WDR7: variants seen among roughly 807,000 people sequenced by gnomAD.
WDR7 encodes WD repeat-containing protein 7.
A neutral mutation model predicts 169.4 loss-of-function variants in WDR7; 46 were observed. The ratio of observed to expected loss-of-function variants is 0.27; its 90% CI spans 0.21 to 0.35. WDR7 has a LOEUF of 0.35. Among genes scored for constraint, WDR7 ranks in the 10% least tolerant of loss-of-function variants. WDR7 has a pLI of 1.00. For synonymous variants in WDR7, 612 were observed against 666.8 expected, an observed-to-expected ratio of 0.92 and a Z score of 1.27; for missense variants, 1,534 against 1,859.3, an observed-to-expected ratio of 0.83 and a Z score of 3.22.
At chr18:56,780,507 A>G (rs1032160880) in intron 18 of WDR7, among the ~76,000 whole-genome samples, 10 of 152,320 alleles carry the variant, frequency 6.6e-5, no homozygotes, top group African/African-American at 2.4e-4. Context: ...GATGCTGCTA[A>G]GTTATCTTTT....
intron 16 of WDR7, among the ~76,000 whole-genome samples, chr18:56,761,653 TTATC>T (rs529439478): frequency 1.6e-4 from 24 of 152,132 alleles, no homozygotes; most frequent in African/African-American, 3.9e-4. Context: ...TAGGTGTTCT[TTATC>T]TATCATAACT....
intron 25 of WDR7, among the ~76,000 whole-genome samples, chr18:56,951,779 A>G (rs1340636628): frequency 6.6e-6 from 1 of 152,004 alleles, no homozygotes; most frequent in Non-Finnish European, 1.5e-5. Context: ...TTTTTCAAAG[A>G]TTTAAGACTC....
At chr18:56,652,835 A>G (rs1038421607) in intron 1 of WDR7, among the ~76,000 whole-genome samples, 1 of 152,000 alleles carries the variant, frequency 6.6e-6, no homozygotes, top group Non-Finnish European at 1.5e-5. Flanking sequence ...GATCTCGGTG[A>G]CTGGGTGAAT....
At chr18:56,803,348 A>G (rs933062896) in intron 19 of WDR7, among the ~76,000 whole-genome samples, 1 of 152,192 alleles carries the variant, frequency 6.6e-6, no homozygotes, top group Non-Finnish European at 1.5e-5. Flanking sequence ...TTTATTCACT[A>G]TGTGTAAAGA....
intron 26 of WDR7, among the ~76,000 whole-genome samples, chr18:56,971,633 G>C (rs1053506185): frequency 3.3e-5 from 5 of 152,136 alleles, no homozygotes; most frequent in Admixed American, 2.0e-4. Flanking sequence ...GGGAGGATTG[G>C]TTAGGAAGGG....
In WDR7 at chr18:56,939,381, C is replaced by T. The variant is rs2047003879; in HGVS notation, c.4052C>T (p.Pro1351Leu). 1.3e-6 allele frequency: 2 copies of T among 1,572,082 alleles called. No homozygotes were observed. The highest frequency in any genetic ancestry group is 1.4e-5 in the African/African-American group (1 of 73,608). ...AAGAAAGGTCTTCAAGAATGTTTCC[C>T]AGCCATCTGCAGGTAAAGAAGCCTT... is the stretch of plus-strand genomic sequence containing the variant. Reference protein sequence around the residue: ...VKKKGLQECFPAICRFYMVSY... With the variant: ...VKKKGLQECFLAICRFYMVSY... Residue 1351 changes from proline to leucine, a missense_variant, in exon 25 of 28, where the codon CCA becomes CTA. Transcript: ENST00000254442.
intron 22 of WDR7, among the ~76,000 whole-genome samples, chr18:56,926,582 G>A (rs1165764969): frequency 6.6e-6 from 1 of 152,100 alleles, no homozygotes; most frequent in African/African-American, 2.4e-5. Context: ...GATGTGCTTA[G>A]GTCTTATCTA....
intron 20 of WDR7, 73 bp downstream of exon 20, chr18:56,816,217 G>C: frequency 7.5e-7 from 1 of 1,336,998 alleles, no homozygotes; most frequent in Non-Finnish European, 1.0e-6. Context: ...GGTTATTTGT[G>C]GTGGGATTAA....
Position 56,776,897 on chromosome 18 carries a change from C to T in WDR7, c.2947+17C>T. The T allele has an allele frequency of 6.3e-7, 1 of 1,596,368 alleles. No individual in the cohort carries two copies. Among genetic ancestry groups the T allele is most frequent in the Non-Finnish European group, 8.6e-7 (1 of 1,164,192 alleles). On this transcript the variant is annotated intron_variant, in intron 17 of 27. Coordinates refer to ENST00000254442, the MANE Select transcript of WDR7 (RefSeq NM_015285.3). ...TAAATGAAGGTATCTCTCTCAACTTCTAACAACTTTCTCTCAATCTGTGCT... is the reference window on the plus strand; with the variant it reads ...TAAATGAAGGTATCTCTCTCAACTTTTAACAACTTTCTCTCAATCTGTGCT...
chr18:57,012,028 G>A (rs1317167657), intron 26 of WDR7, among the ~76,000 whole-genome samples: 1 of 152,152 alleles, frequency 6.6e-6, no homozygotes, highest in African/African-American at 2.4e-5. Flanking sequence ...TGAGGACCAG[G>A]GAGGGAGGCT....
intron 26 of WDR7, among the ~76,000 whole-genome samples, chr18:56,983,496 A>T (rs1416331412): frequency 2.6e-5 from 4 of 152,138 alleles, no homozygotes; most frequent in African/African-American, 4.8e-5. Context: ...TGGACAATTT[A>T]TACTCAGTTT....
At chr18:56,954,811 G>T (rs1016905617) in intron 25 of WDR7, among the ~76,000 whole-genome samples, 18 of 152,074 alleles carry the variant, frequency 1.2e-4, no homozygotes, top group African/African-American at 4.3e-4. Flanking sequence ...AAAATTCAAG[G>T]TAAAATAAGT....
In WDR7 at chr18:56,651,465, A is replaced by G. The variant is rs999831489; in HGVS notation, c.-131A>G. On this transcript the variant is annotated 5_prime_UTR_variant, in exon 1 of 28. Coordinates refer to ENST00000254442, the MANE Select transcript of WDR7 (RefSeq NM_015285.3). ...CCGCCCCACGGATTATCCCAGCAGG[A>G]TCTACGCACCCCGCATCCTCCGTAG... 2.0e-5 allele frequency: 3 copies of G among 152,482 alleles called. No individual in the cohort carries two copies. The highest frequency in any genetic ancestry group is 2.9e-5 in the Non-Finnish European group (2 of 68,286). 9.4% of individuals were successfully genotyped at this position (152,482 alleles called of 1,614,324 possible).
chr18:56,949,907 G>C (rs2047157652), intron 25 of WDR7, among the ~76,000 whole-genome samples: 1 of 152,104 alleles, frequency 6.6e-6, no homozygotes, highest in African/African-American at 2.4e-5. Context: ...AGTTAGTTTT[G>C]AGAAGCCAGA....
intron 1 of WDR7, among the ~76,000 whole-genome samples, chr18:56,657,158 G>A (rs902842075): frequency 3.3e-5 from 5 of 151,072 alleles, no homozygotes; most frequent in African/African-American, 1.2e-4. Flanking sequence ...TAATTTGTTG[G>A]GACTTTTTTT....
At chr18:56,980,830 G>A (rs944195914) in intron 26 of WDR7, among the ~76,000 whole-genome samples, 11 of 152,160 alleles carry the variant, frequency 7.2e-5, no homozygotes, top group African/African-American at 2.7e-4. Context: ...GGAGGAAAGG[G>A]AACCTGACAC....
intron 21 of WDR7, among the ~76,000 whole-genome samples, chr18:56,902,174 A>AAG (rs751733611): frequency 2.5e-4 from 38 of 152,286 alleles, no homozygotes; most frequent in Non-Finnish European, 4.3e-4. Flanking sequence ...TGCTTCTGGG[A>AAG]AGAGAAGAGT....
chr18:56,675,023 G>T (rs2025214621), intron 2 of WDR7, among the ~76,000 whole-genome samples: 1 of 152,032 alleles, frequency 6.6e-6, no homozygotes, highest in African/African-American at 2.4e-5. Flanking sequence ...TCTATTTTAT[G>T]GTTCTTTGTA....
intron 19 of WDR7, among the ~76,000 whole-genome samples, chr18:56,784,483 T>C (rs1029856440): frequency 6.6e-6 from 1 of 152,166 alleles, no homozygotes; most frequent in Admixed American, 6.5e-5. Flanking sequence ...CTGTGTGACT[T>C]TGCATACTCA....
Sources: gnomAD v4.1 joint callset for allele counts (sites outside exome capture counted in the v4.1 genomes callset) on GRCh38, gnomAD v4.1.1 for gene constraint, MANE v1.5 for transcripts, NCBI Gene and HGNC (gene_info 2026-07-23, HGNC 2026-07-21) for gene names.